The following RFX4 variants were observed in gnomAD, a reference collection of about 807,000 sequenced individuals.
RFX4 encodes the protein regulatory factor X4, also known as transcription factor RFX4.
RFX4 carries 10 observed loss-of-function variants against 95.0 expected under a neutral mutation model. The observed-to-expected ratio is 0.11, with a 90% CI of 0.06 to 0.18. The LOEUF (loss-of-function observed/expected upper bound fraction) is 0.18. Ranked by LOEUF, RFX4 falls within the 10% of genes least tolerant of loss-of-function variation. The pLI is 1.00. For synonymous variants in RFX4, 321 were observed against 340.7 expected (o/e 0.94, Z 0.64); for missense variants, 640 against 922.0 (o/e 0.69, Z 3.96).
At chr12:106,712,621 C>G (rs2042212805) in intron 10 of RFX4, among the ~76,000 whole-genome samples, 1 of 152,142 alleles carries the variant, frequency 6.6e-6, no homozygotes, top group Non-Finnish European at 1.5e-5. Flanking sequence ...TGCTCCTGTC[C>G]TGCCCCTGGC....
intron 11 of RFX4, among the ~76,000 whole-genome samples, chr12:106,718,978 C>T (rs561558697): frequency 1.4e-4 from 21 of 151,106 alleles, no homozygotes; most frequent in African/African-American, 1.9e-4. Flanking sequence ...AAAAATTAGC[C>T]GGGTGTGGTG....
chr12:106,588,650 A>C (rs909411579), intron 1 of RFX4, among the ~76,000 whole-genome samples: 3 of 152,160 alleles, frequency 2.0e-5, no homozygotes, highest in African/African-American at 7.2e-5. Flanking sequence ...GAGTTGGTGC[A>C]AAAGTAATTG....
chr12:106,646,049 T>C, intron 3 of RFX4: 1 of 840,912 alleles, frequency 1.2e-6, no homozygotes, highest in African/African-American at 1.8e-5. Context: ...TGTGGGTAAA[T>C]GTGTCAAATG....
chr12:106,724,761 C>T (rs976673823), intron 13 of RFX4, among the ~76,000 whole-genome samples: 8 of 152,150 alleles, frequency 5.3e-5, no homozygotes, highest in Non-Finnish European at 8.8e-5. Context: ...ATGGCTCACA[C>T]CTGTAATCCT....
At chr12:106,710,360 CTCTTT>C (rs921595809) in intron 9 of RFX4, among the ~76,000 whole-genome samples, 2 of 152,124 alleles carry the variant, frequency 1.3e-5, no homozygotes, top group South Asian at 2.1e-4. Context: ...TGGCTCTCAG[CTCTTT>C]TCTTTTCATG....
chr12:106,615,415 C>T (rs2040054253), intron 2 of RFX4, among the ~76,000 whole-genome samples: 1 of 152,086 alleles, frequency 6.6e-6, no homozygotes, highest in Non-Finnish European at 1.5e-5. Context: ...AGCATAAGAC[C>T]TCTTGTTCTT....
At chr12:106,746,597 C>T (rs1213322933) in intron 15 of RFX4, among the ~76,000 whole-genome samples, 2 of 151,868 alleles carry the variant, frequency 1.3e-5, no homozygotes, top group Non-Finnish European at 2.9e-5. Flanking sequence ...AGGTTTTTAT[C>T]CCCCAGTCTT....
intron 4 of RFX4, among the ~76,000 whole-genome samples, chr12:106,663,441 ATT>A (rs201556602): frequency 6.6e-6 from 1 of 151,252 alleles, no homozygotes; most frequent in Non-Finnish European, 1.5e-5. Flanking sequence ...GTTCCAGGAG[ATT>A]TTTTTTTCTT....
intron 11 of RFX4, among the ~76,000 whole-genome samples, chr12:106,716,235 A>G (rs1234920816): frequency 6.6e-6 from 1 of 152,076 alleles, no homozygotes; most frequent in African/African-American, 2.4e-5. Context: ...ATAACCCTGG[A>G]TCCATAGGCG....
intron 3 of RFX4, among the ~76,000 whole-genome samples, chr12:106,641,989 CTAT>C (rs2137287047): frequency 1.4e-5 from 2 of 145,340 alleles, no homozygotes; most frequent in South Asian, 4.2e-4. Flanking sequence ...ATATCTATAT[CTAT>C]ATCTATATCT....
chr12:106,617,755 C>T (rs2040102383), intron 2 of RFX4, among the ~76,000 whole-genome samples: 1 of 151,926 alleles, frequency 6.6e-6, no homozygotes, highest in African/African-American at 2.4e-5. Flanking sequence ...GGGACAAAGC[C>T]TCGCTCTGTC....
chr12:106,730,171 C>A (rs570402315), intron 13 of RFX4, among the ~76,000 whole-genome samples: 86 of 152,186 alleles, frequency 5.7e-4, no homozygotes, highest in Non-Finnish European at 3.2e-4. Context: ...CCTCTCTAGC[C>A]TTTCTAGACC....
In RFX4 at chr12:106,732,947, T is replaced by C. The variant is rs369376653; in HGVS notation, c.1495T>C (p.Leu499=). ...AGCAGAAGTCCGAGAAGAGATCATC[T>C]TGACAGAGGCTGCCGCACCAACCCC... ...STAEVREEII[L]TEAAAPTPSP... Residue 499 remains leucine (L), a synonymous_variant, in exon 15 of 18, where the codon TTG becomes CTG. Coordinates refer to ENST00000392842, the MANE Select transcript of RFX4 (RefSeq NM_213594.3). The C allele has an allele frequency of 1.2e-6, 2 of 1,614,174 alleles. No homozygotes were observed. The highest frequency in any genetic ancestry group is 1.7e-6 in the Non-Finnish European group (2 of 1,180,020).
intron 8 of RFX4, 125 bp downstream of exon 8, chr12:106,696,571 A>G (rs1424837484): frequency 3.4e-6 from 3 of 886,016 alleles, no homozygotes; most frequent in African/African-American, 3.4e-5. Context: ...TTAATATTGA[A>G]CTTTTAAATA....
At chr12:106,687,178 TCTCTCACACACACA>T (rs2041674617) in intron 6 of RFX4, 81 bp downstream of exon 6, 1 of 742,354 alleles carries the variant, frequency 1.3e-6, no homozygotes, top group East Asian at 2.8e-5. Flanking sequence ...TCTCTCTCTC[TCTCTCACACACACA>T]CACACACACA....
At chr12:106,593,630 C>A (rs1353574660) in intron 1 of RFX4, among the ~76,000 whole-genome samples, 1 of 152,148 alleles carries the variant, frequency 6.6e-6, no homozygotes, top group Admixed American at 6.5e-5. Flanking sequence ...ATCAAATCAT[C>A]GCAAGTTACA....
Position 106,761,866 on chromosome 12 carries a change from C to G in RFX4, c.*397C>G, listed in dbSNP as rs2043212634. On this transcript the variant is annotated 3_prime_UTR_variant, in exon 18 of 18. Transcript: ENST00000392842. ...GAAGGATGGATACTGGAGACAGAAT[C>G]TGGTTTGTGTTCTTGGATGGGCACA... 6.5e-6 allele frequency: 1 copy of G among 153,696 alleles called. No homozygotes were observed. 9.5% of individuals were successfully genotyped at this position (153,696 alleles called of 1,614,324 possible).
At chr12:106,693,367 G>A (rs896079645) in intron 7 of RFX4, among the ~76,000 whole-genome samples, 1 of 152,166 alleles carries the variant, frequency 6.6e-6, no homozygotes, top group Non-Finnish European at 1.5e-5. Context: ...CTGCTGAGGA[G>A]ACTGATTTTG....
At chr12:106,652,380 A>G (rs755847418) in intron 3 of RFX4, among the ~76,000 whole-genome samples, 1 of 152,224 alleles carries the variant, frequency 6.6e-6, no homozygotes, top group Non-Finnish European at 1.5e-5. Context: ...GGCAGGTGAT[A>G]AGATCAATAA....
Sources: gnomAD v4.1 joint callset for allele counts (sites outside exome capture counted in the v4.1 genomes callset) on GRCh38, gnomAD v4.1.1 for gene constraint, MANE v1.5 for transcripts, NCBI Gene and HGNC (gene_info 2026-07-23, HGNC 2026-07-21) for gene names.